Variants in SPAG16 observed in about 807,000 individuals in gnomAD.
SPAG16 encodes sperm associated antigen 16.
Under a neutral mutation model 80.4 loss-of-function variants are expected in SPAG16, and 86 were observed. That is an observed-to-expected ratio of 1.07 (90% CI 0.90 to 1.28). The LOEUF is 1.28. Among genes scored for constraint, SPAG16 ranks in the 50% most tolerant of loss-of-function variants. The probability of loss-of-function intolerance (pLI) is 0.00; values close to 1 mark genes in which losing one functional copy is unlikely to be tolerated. For missense variants in SPAG16, 870 were observed against 765.3 expected, an observed-to-expected ratio of 1.14 and a Z score of -1.61; for synonymous variants, 294 against 265.9, an observed-to-expected ratio of 1.11 and a Z score of -1.03.
intron 9 of SPAG16, among the ~76,000 whole-genome samples, chr2:213,417,417 A>G (rs901306618): frequency 3.9e-5 from 6 of 152,212 alleles, no homozygotes; most frequent in African/African-American, 1.4e-4. Context: ...CTTCTAAGAA[A>G]TTACTTTTGT....
intron 10 of SPAG16, among the ~76,000 whole-genome samples, chr2:213,573,224 AC>A (rs1234468483): frequency 6.6e-6 from 1 of 151,842 alleles, no homozygotes; most frequent in East Asian, 1.9e-4. Flanking sequence ...GGAGCTGTAG[AC>A]CGGAGCTGTT....
chr2:214,099,796 G>A (rs1365692868), intron 13 of SPAG16, among the ~76,000 whole-genome samples: 1 of 152,054 alleles, frequency 6.6e-6, no homozygotes, highest in Non-Finnish European at 1.5e-5. Flanking sequence ...TTGTAGGGAT[G>A]TTTTTACTAA....
chr2:213,738,828 G>A (rs970640407), intron 10 of SPAG16, among the ~76,000 whole-genome samples: 1 of 152,160 alleles, frequency 6.6e-6, no homozygotes, highest in Non-Finnish European at 1.5e-5. Flanking sequence ...CTTTAAGACA[G>A]GTTCTGTCCA....
At chr2:213,461,293 G>C (rs549028957) in intron 9 of SPAG16, among the ~76,000 whole-genome samples, 2 of 152,206 alleles carry the variant, frequency 1.3e-5, no homozygotes, top group East Asian at 3.9e-4. Flanking sequence ...CTTAGTATAG[G>C]GTGTTATATT....
In SPAG16 at chr2:213,910,859, C is replaced by A. The variant is rs558355182; in HGVS notation, c.1215-19101C>A. On this transcript the variant is annotated intron_variant, in intron 11 of 15. Transcript: ENST00000331683. ...AACCAGAATTTATTATCCATATTTC[C>A]AAATAAAGACAGTAAGTTTCAGAGA... Among the ~76,000 whole-genome samples the A allele has an allele frequency of 2.6e-5, 4 of 152,004 alleles. No homozygotes were observed. The East Asian group carries it at 7.7e-4, about 29-fold the overall frequency.
At chr2:213,516,713 C>G (rs899689055) in intron 10 of SPAG16, among the ~76,000 whole-genome samples, 12 of 152,114 alleles carry the variant, frequency 7.9e-5, no homozygotes, top group Admixed American at 2.6e-4. Context: ...CCTCCTAAAG[C>G]AAACTGTGAT....
rs571172059 is a variant in SPAG16 at position 213,468,459 on chromosome 2, ATCTC to A, written c.943-21502_943-21499del. The stretch of plus-strand genomic sequence containing the variant: ...TATGTATTTATATATAGATATATAT[ATCTC>A]TATGTATTTATATATAGATATATAT... On this transcript the variant is annotated intron_variant, in intron 9 of 15. Coordinates refer to ENST00000331683, the MANE Select transcript of SPAG16 (RefSeq NM_024532.5). Among the ~76,000 whole-genome samples, 305 of 120,472 alleles carry A rather than the reference ATCTC, an allele frequency of 2.5e-3. 4 individuals are homozygous for A. The highest frequency in any genetic ancestry group is 0.013 in the African/African-American group (284 of 21,470). The allele number at this position is 120,472 out of a possible 152,430, so 79.0% of individuals were successfully genotyped here. A position where few individuals can be genotyped will look rare whatever the true frequency, so the allele number is the denominator to read the frequency against.
At chr2:213,439,323 G>A (rs1313354512) in intron 9 of SPAG16, among the ~76,000 whole-genome samples, 1 of 152,190 alleles carries the variant, frequency 6.6e-6, no homozygotes, top group Non-Finnish European at 1.5e-5. Flanking sequence ...GGAGGCTTTG[G>A]ATTTTTAAGA....
chr2:214,241,244 G>A (rs1446352573), intron 15 of SPAG16: 1 of 151,568 alleles, frequency 6.6e-6, no homozygotes, highest in African/African-American at 2.4e-5. Context: ...GTAGTTCCCA[G>A]TTATTCGAAA....
chr2:213,678,544 C>G (rs1401658905), intron 10 of SPAG16, among the ~76,000 whole-genome samples: 1 of 152,196 alleles, frequency 6.6e-6, no homozygotes. Context: ...TCTTGCTGCT[C>G]TTAACCACTA....
chr2:214,053,425 C>G (rs1174732256), intron 13 of SPAG16, among the ~76,000 whole-genome samples: 1 of 152,176 alleles, frequency 6.6e-6, no homozygotes, highest in Non-Finnish European at 1.5e-5. Context: ...GTGCTTAGTA[C>G]TTACCATATC....
chr2:213,504,165 T>A (rs1401548315), intron 10 of SPAG16, among the ~76,000 whole-genome samples: 2 of 152,216 alleles, frequency 1.3e-5, no homozygotes. Flanking sequence ...AGGGGCTCCA[T>A]GCCTGGTTTG....
At chr2:213,752,929 G>A (rs2068146661) in intron 10 of SPAG16, among the ~76,000 whole-genome samples, 1 of 152,132 alleles carries the variant, frequency 6.6e-6, no homozygotes, top group Non-Finnish European at 1.5e-5. Context: ...TTCATAGATT[G>A]TTTTCCCTAA....
Position 213,862,613 on chromosome 2 carries a change from G to A in SPAG16, c.1199G>A (p.Cys400Tyr). The A allele has an allele frequency of 1.2e-6, 2 of 1,614,034 alleles. No individual in the cohort carries two copies. The highest frequency in any genetic ancestry group is 1.7e-6 in the Non-Finnish European group (2 of 1,179,970). Residue 400 changes from cysteine to tyrosine, a missense_variant, in exon 11 of 16, where the codon TGC becomes TAC. Cys to Tyr is a radical substitution (Grantham distance 194). Coordinates refer to ENST00000331683, the MANE Select transcript of SPAG16 (RefSeq NM_024532.5). ...GFGHTDWLSD[C>Y]CFHPSGDKLA... ...GGCCACACTGACTGGCTTTCAGACTGCTGCTTCCATCCCAGGTCAGTGCAC... is the reference window on the plus strand; with the variant it reads ...GGCCACACTGACTGGCTTTCAGACTACTGCTTCCATCCCAGGTCAGTGCAC...
intron 10 of SPAG16, among the ~76,000 whole-genome samples, chr2:213,833,540 A>T (rs377346416): frequency 0.37 from 328 of 884 alleles, 119 homozygotes; most frequent in Admixed American, 0.54. Context: ...ATTATATATA[A>T]TATATATAAT....
intron 10 of SPAG16, among the ~76,000 whole-genome samples, chr2:213,846,838 C>T (rs2125771838): frequency 6.6e-6 from 1 of 152,284 alleles, no homozygotes; most frequent in African/African-American, 2.4e-5. Flanking sequence ...GAAATCTGTG[C>T]AGGCTCAATG....
At chr2:214,121,714 C>A (rs919643062) in intron 14 of SPAG16, among the ~76,000 whole-genome samples, 1 of 151,710 alleles carries the variant, frequency 6.6e-6, no homozygotes, top group Non-Finnish European at 1.5e-5. Flanking sequence ...AACATGACAC[C>A]GTAAGGTGAA....
chr2:213,619,205 C>A (rs1275794618), intron 10 of SPAG16, among the ~76,000 whole-genome samples: 1 of 152,042 alleles, frequency 6.6e-6, no homozygotes, highest in Non-Finnish European at 1.5e-5. Context: ...AAAATCAACT[C>A]AAAATGGATT....
At chr2:213,337,090 A>T (rs2064404512) in intron 5 of SPAG16, among the ~76,000 whole-genome samples, 1 of 152,246 alleles carries the variant, frequency 6.6e-6, no homozygotes, top group African/African-American at 2.4e-5. Flanking sequence ...ACCCAGGCAA[A>T]TAGGGTCTAG....
Sources: gnomAD v4.1 joint callset for allele counts (sites outside exome capture counted in the v4.1 genomes callset) on GRCh38, gnomAD v4.1.1 for gene constraint, MANE v1.5 for transcripts, NCBI Gene and HGNC (gene_info 2026-07-23, HGNC 2026-07-21) for gene names.